DHRSX: variants seen among roughly 807,000 people sequenced by gnomAD.
DHRSX encodes the protein polyprenol dehydrogenase.
DHRSX carries 31 observed loss-of-function variants against 34.0 expected under a neutral mutation model. That is an observed-to-expected ratio of 0.91 (90% confidence interval 0.69 to 1.23). The LOEUF (loss-of-function observed/expected upper bound fraction) is 1.23. Among genes scored for constraint, DHRSX ranks in the 50% most tolerant of loss-of-function variants. The pLI is 0.00. For missense variants in DHRSX, 414 were observed against 428.1 expected, an observed-to-expected ratio of 0.97 and a Z score of 0.29; for synonymous variants, 201 against 183.8, an observed-to-expected ratio of 1.09 and a Z score of -0.76.
chrX:2,457,476 A>T (rs897191217), intron 1 of DHRSX, among the ~76,000 whole-genome samples: 23 of 145,420 alleles, frequency 1.6e-4, no homozygotes, highest in Middle Eastern at 4.3e-3. Flanking sequence ...CACTGAAGAC[A>T]TTCCCTAAGA....
chrX:2,411,476 A>G (rs1014572832), intron 2 of DHRSX, among the ~76,000 whole-genome samples: 4 of 146,488 alleles, frequency 2.7e-5, no homozygotes, highest in African/African-American at 1.0e-4. Flanking sequence ...TTGAACCAGG[A>G]CCCGGGAAGC....
chrX:2,366,981 G>A (rs190857275), intron 3 of DHRSX, among the ~76,000 whole-genome samples: 12 of 152,220 alleles, frequency 7.9e-5, no homozygotes, highest in African/African-American at 2.9e-4. Flanking sequence ...TTGTGAGGAT[G>A]TGTATGTGCG....
intron 3 of DHRSX, among the ~76,000 whole-genome samples, chrX:2,341,392 T>C (rs1291388150): frequency 6.6e-6 from 1 of 152,072 alleles, no homozygotes; most frequent in Non-Finnish European, 1.5e-5. Flanking sequence ...AGGGAAGAAT[T>C]CTTCCTGCCT....
intron 3 of DHRSX, among the ~76,000 whole-genome samples, chrX:2,293,451 C>G (rs1471151459): frequency 6.6e-6 from 1 of 152,108 alleles, no homozygotes; most frequent in Admixed American, 6.6e-5. Context: ...CAGCAGATCT[C>G]TGAGGGAAGA....
chrX:2,425,668 G>A (rs140115072), intron 1 of DHRSX, among the ~76,000 whole-genome samples: 2 of 152,238 alleles, frequency 1.3e-5, no homozygotes, highest in African/African-American at 4.8e-5. Context: ...CACTGAGCAG[G>A]ACATTTTTGT....
At chrX:2,448,064 A>G (rs1162972889) in intron 1 of DHRSX, among the ~76,000 whole-genome samples, 2 of 151,850 alleles carry the variant, frequency 1.3e-5, no homozygotes, top group Non-Finnish European at 2.9e-5. Context: ...TTAGCTGGGT[A>G]TGGTGGCATG....
At chrX:2,365,270 G>A (rs1231631815) in intron 3 of DHRSX, among the ~76,000 whole-genome samples, 2 of 152,166 alleles carry the variant, frequency 1.3e-5, no homozygotes, top group African/African-American at 4.8e-5. Flanking sequence ...CTCCCTGGTA[G>A]CTGTGACTAC....
At chrX:2,461,301 A>G (rs2044398825) in intron 1 of DHRSX, among the ~76,000 whole-genome samples, 1 of 152,228 alleles carries the variant, frequency 6.6e-6, no homozygotes, top group African/African-American at 2.4e-5. Context: ...AGCCAGTTGG[A>G]GCCTGAATGT....
At chrX:2,302,808 A>T (rs1235830093) in intron 3 of DHRSX, among the ~76,000 whole-genome samples, 2 of 151,904 alleles carry the variant, frequency 1.3e-5, no homozygotes, top group Non-Finnish European at 2.9e-5. Flanking sequence ...CCAATGACTT[A>T]AAAAAAACAC....
rs182122962 is a variant in DHRSX, at chrX:2,471,957, G to C, written c.109+28860C>G. 3.0e-3 allele frequency among the ~76,000 whole-genome samples: 460 copies of C among 151,790 alleles called. 9 individuals carry two copies. The highest frequency in any genetic ancestry group is 9.7e-3 in the African/African-American group (402 of 41,420). ...GGTCAGGAGTTCAAAACCAGCCTGG[G>C]CAACATGGAGAAACCCCGTCTCTAC... On this transcript the variant is annotated intron_variant, in intron 1 of 6. Transcript: ENST00000334651.
At chrX:2,381,674 G>A (rs1324575489) in intron 3 of DHRSX, among the ~76,000 whole-genome samples, 5 of 151,824 alleles carry the variant, frequency 3.3e-5, no homozygotes, top group African/African-American at 9.7e-5. Flanking sequence ...GAAGCAAAAT[G>A]TGCATCCGCC....
At chrX:2,484,893 G>A (rs972544754) in intron 1 of DHRSX, among the ~76,000 whole-genome samples, 2 of 152,020 alleles carry the variant, frequency 1.3e-5, no homozygotes, top group Admixed American at 6.6e-5. Context: ...CGTCACCACC[G>A]AGATTTCGGC....
At chrX:2,490,660 G>A (rs1315976376) in intron 1 of DHRSX, 14 of 1,613,848 alleles carry the variant, frequency 8.7e-6, no homozygotes, top group East Asian at 4.5e-5. Context: ...TGCTCTTGGC[G>A]CGGGGGTGGG....
chrX:2,277,073 G>GAC (rs1174405473), intron 4 of DHRSX, among the ~76,000 whole-genome samples: 3 of 88,672 alleles, frequency 3.4e-5, no homozygotes, highest in Non-Finnish European at 6.8e-5. Flanking sequence ...TAGGGGGAAA[G>GAC]AGAGAAAGAG....
At chrX:2,402,837 C>G (rs2043503435) in intron 3 of DHRSX, among the ~76,000 whole-genome samples, 1 of 151,288 alleles carries the variant, frequency 6.6e-6, no homozygotes, top group Non-Finnish European at 1.5e-5. Flanking sequence ...GAGCATTCAT[C>G]ACTTGTTTGT....
rs187130595 is a variant in DHRSX at position 2,446,576 on chromosome X, C to T, written c.110-21272G>A. Among the ~76,000 whole-genome samples, 9 of 146,028 alleles carry T rather than the reference C, an allele frequency of 6.2e-5. No individual in the cohort carries two copies. The East Asian group carries it at 1.5e-3, about 24-fold the overall frequency. ...ACACTGAAGACGGTCCCTAAGAATG[C>T]GGCCAAGGGACCACCTCCATGTACA... On this transcript the variant is annotated intron_variant, in intron 1 of 6. Transcript: ENST00000334651.
intron 1 of DHRSX, among the ~76,000 whole-genome samples, chrX:2,484,679 G>A (rs1473408737): frequency 6.6e-6 from 1 of 152,134 alleles, no homozygotes; most frequent in African/African-American, 2.4e-5. Context: ...ACTCTCAGGT[G>A]AGCCCCACGA....
At chrX:2,455,587 C>A (rs1238655111) in intron 1 of DHRSX, among the ~76,000 whole-genome samples, 2 of 151,726 alleles carry the variant, frequency 1.3e-5, no homozygotes, top group Non-Finnish European at 2.9e-5. Flanking sequence ...ACTAAAAATA[C>A]AAAATTAGTC....
chrX:2,346,766 A>G (rs1471203042), intron 3 of DHRSX, among the ~76,000 whole-genome samples: 4 of 152,114 alleles, frequency 2.6e-5, no homozygotes, highest in Admixed American at 6.5e-5. Context: ...CGTCATCTAC[A>G]TTAGGTATTT....
Sources: allele counts gnomAD v4.1 joint callset (sites outside exome capture counted in the v4.1 genomes callset), GRCh38; gene constraint gnomAD v4.1.1; transcripts MANE v1.5; gene names NCBI Gene and HGNC (gene_info 2026-07-23, HGNC 2026-07-21).